The following SEL1L2 variants were observed in gnomAD, a reference collection of about 807,000 sequenced individuals.
SEL1L2 encodes the protein SEL1L2 adaptor subunit of SYVN1 ubiquitin ligase.
Under a neutral mutation model 98.8 loss-of-function variants are expected in SEL1L2, and 89 were observed. That is an observed-to-expected ratio of 0.90 (90% CI 0.76 to 1.07). The LOEUF (loss-of-function observed/expected upper bound fraction) is 1.07, where lower values mean the gene tolerates loss of function less well. Ranked by LOEUF, SEL1L2 falls within the 50% of genes least tolerant of loss-of-function variation. SEL1L2 has a pLI of 0.00. For synonymous variants in SEL1L2, 262 were observed against 278.5 expected, an observed-to-expected ratio of 0.94 and a Z score of 0.59; for missense variants, 788 against 812.0, an observed-to-expected ratio of 0.97 and a Z score of 0.36.
In SEL1L2 at chr20:13,873,589, T is replaced by A. The variant is rs1466366294; in HGVS notation, c.1104+2449A>T. 3.3e-5 allele frequency among the ~76,000 whole-genome samples: 5 copies of A among 151,864 alleles called. No homozygotes were observed. In the East Asian group the frequency reaches 9.8e-4, roughly 30 times the overall value. On this transcript the variant is annotated intron_variant, in intron 12 of 19. Coordinates refer to ENST00000284951, the MANE Select transcript of SEL1L2 (RefSeq NM_025229.2). Reference sequence around the variant, plus strand: ...GTTGGCCAGGATGGTCTCGATCTCTTGACCTGGTGATCCGCCTGCCTCAGC... The same window carrying A: ...GTTGGCCAGGATGGTCTCGATCTCTAGACCTGGTGATCCGCCTGCCTCAGC...
chr20:13,868,828 G>A (rs544663899), intron 14 of SEL1L2, among the ~76,000 whole-genome samples: 14 of 151,962 alleles, frequency 9.2e-5, no homozygotes, highest in Admixed American at 7.9e-4. Context: ...GGCTGGTCTC[G>A]AATTCGTGAT....
intron 1 of SEL1L2, among the ~76,000 whole-genome samples, chr20:13,960,645 A>C (rs958399898): frequency 6.6e-6 from 1 of 152,168 alleles, no homozygotes; most frequent in African/African-American, 2.4e-5. Flanking sequence ...TGTGTCCCAT[A>C]ATACTTTAGA....
At chr20:13,866,437 C>A (rs186351311) in intron 15 of SEL1L2, among the ~76,000 whole-genome samples, 26 of 152,300 alleles carry the variant, frequency 1.7e-4, no homozygotes, top group African/African-American at 6.3e-4. Flanking sequence ...TGAAACAGAG[C>A]TCCTTAACTG....
chr20:13,963,605 A>G (rs1429915267), intron 1 of SEL1L2, among the ~76,000 whole-genome samples: 1 of 151,918 alleles, frequency 6.6e-6, no homozygotes, highest in Non-Finnish European at 1.5e-5. Flanking sequence ...AGTCCCAGCT[A>G]TTCGGGGGGC....
chr20:13,984,232 G>T (rs143264454), intron 1 of SEL1L2, among the ~76,000 whole-genome samples: 9 of 150,950 alleles, frequency 6.0e-5, no homozygotes, highest in African/African-American at 2.2e-4. Flanking sequence ...GGCTTGTCTC[G>T]AACTCCTGAC....
chr20:13,876,117 T>A lies in SEL1L2; in HGVS notation c.1027-2A>T. 1 of 1,608,122 alleles carries A rather than the reference T, an allele frequency of 6.2e-7. No homozygotes were observed. Among genetic ancestry groups the A allele is most frequent in the African/African-American group, 1.3e-5 (1 of 74,848 alleles). ...GGCAGCATTCCCCTCTAAATACATC[T>A]AGGAAGAAAAATGAAAAGAGGATAG... On this transcript the variant is annotated splice_acceptor_variant, in intron 11 of 19. Transcript: ENST00000284951. LOFTEE classifies it high-confidence loss of function.
intron 14 of SEL1L2, among the ~76,000 whole-genome samples, chr20:13,867,182 C>T (rs762681911): frequency 4.5e-4 from 69 of 152,174 alleles, no homozygotes; most frequent in Non-Finnish European, 9.0e-4. Context: ...GGACCCGAAG[C>T]GCCACCATGA....
intron 2 of SEL1L2, among the ~76,000 whole-genome samples, chr20:13,935,209 T>A (rs2049394394): frequency 6.6e-6 from 1 of 152,134 alleles, no homozygotes; most frequent in Admixed American, 6.5e-5. Context: ...ACAGAGAGGC[T>A]TTCTCTGACT....
At chr20:13,884,421 G>T (rs1353771053) in intron 10 of SEL1L2, among the ~76,000 whole-genome samples, 1 of 152,178 alleles carries the variant, frequency 6.6e-6, no homozygotes, top group East Asian at 1.9e-4. Flanking sequence ...TACAGAGGAG[G>T]ATCCTGTGTA....
At chr20:13,865,850 TGTG>T (rs1990935622) in intron 15 of SEL1L2, among the ~76,000 whole-genome samples, 1 of 151,996 alleles carries the variant, frequency 6.6e-6, no homozygotes, top group Non-Finnish European at 1.5e-5. Flanking sequence ...TGTGTGTGTG[TGTG>T]TGTGTTCTTA....
intron 2 of SEL1L2, among the ~76,000 whole-genome samples, chr20:13,939,830 C>T (rs2049668013): frequency 6.6e-6 from 1 of 152,118 alleles, no homozygotes; most frequent in African/African-American, 2.4e-5. Flanking sequence ...CCATGCCCAG[C>T]TAATTTTTGT....
intron 1 of SEL1L2, among the ~76,000 whole-genome samples, chr20:13,983,900 C>T (rs183699959): frequency 3.9e-4 from 60 of 152,162 alleles, no homozygotes; most frequent in Middle Eastern, 3.4e-3. Flanking sequence ...AATTAATGAA[C>T]GATCTATTGA....
Position 13,987,126 on chromosome 20 carries a change from C to T in SEL1L2, c.58+3351G>A, listed in dbSNP as rs2052235640. Among the ~76,000 whole-genome samples, 4 of 152,124 alleles carry T rather than the reference C, an allele frequency of 2.6e-5. No homozygotes were observed. In the South Asian group the frequency reaches 6.2e-4, roughly 24 times the overall value. ...GATTACAGGCGTGAGCCACCGCGCC[C>T]GGCCTCTCCATTACTTTTAATGCCA... On this transcript the variant is annotated intron_variant, in intron 1 of 19. Coordinates refer to ENST00000284951, the MANE Select transcript of SEL1L2 (RefSeq NM_025229.2).
chr20:13,871,660 C>T (rs376754056), intron 12 of SEL1L2, among the ~76,000 whole-genome samples: 15 of 110,916 alleles, frequency 1.4e-4, no homozygotes, highest in Non-Finnish European at 2.6e-4. Context: ...TACAGGTGCA[C>T]GCCACCATGC....
In SEL1L2 at chr20:13,915,408, T is replaced by C. The variant is rs7345955; in HGVS notation, c.387-1464A>G. Among the ~76,000 whole-genome samples the C allele has an allele frequency of 3.9e-5, 6 of 152,270 alleles. No individual in the cohort carries two copies. In the South Asian group the frequency reaches 6.2e-4, roughly 16 times the overall value. ...CTCAAGGTCACTAAAGGCAAATGTC[T>C]GGCACCCAGAGAGAGGCAACAGGAA... On this transcript the variant is annotated intron_variant, in intron 4 of 19. Transcript: ENST00000284951.
At chr20:13,901,657 A>C (rs1466491608) in intron 5 of SEL1L2, among the ~76,000 whole-genome samples, 2 of 150,136 alleles carry the variant, frequency 1.3e-5, no homozygotes, top group Non-Finnish European at 3.0e-5. Context: ...TTTTTTTTGC[A>C]AATTTTTTTC....
At chr20:13,987,415 G>A (rs986842898) in intron 1 of SEL1L2, among the ~76,000 whole-genome samples, 5 of 150,274 alleles carry the variant, frequency 3.3e-5, no homozygotes, top group Non-Finnish European at 7.4e-5. Flanking sequence ...GTGCGATCTC[G>A]GCTCACTGTA....
At chr20:13,995,186 T>G (rs1361966024), upstream of SEL1L2, 1 of 167,236 alleles carries the variant, frequency 6.0e-6, no homozygotes, top group Non-Finnish European at 1.3e-5. This position sits in a 1 kb window ranked among gnomAD's most constrained non-coding sequence, Gnocchi z 4.3. Flanking sequence ...CCCTCAAGTC[T>G]TCCAAGAGGC....
intron 1 of SEL1L2, among the ~76,000 whole-genome samples, chr20:13,981,874 C>G (rs943468391): frequency 6.6e-6 from 1 of 152,212 alleles, no homozygotes; most frequent in Non-Finnish European, 1.5e-5. Context: ...TAGAAATTCT[C>G]AATTCCATAG....
Sources: allele counts gnomAD v4.1 joint callset (sites outside exome capture counted in the v4.1 genomes callset), GRCh38; gene constraint gnomAD v4.1.1; non-coding constraint Gnocchi (gnomAD v3.1); transcripts MANE v1.5; gene names NCBI Gene and HGNC (gene_info 2026-07-23, HGNC 2026-07-21).